The following FSIP1 variants were observed in gnomAD, a reference collection of about 807,000 sequenced individuals.
The protein encoded by FSIP1 is fibrous sheath-interacting protein 1.
FSIP1 carries 65 observed loss-of-function variants against 60.9 expected under a neutral mutation model. That is an observed-to-expected ratio of 1.07 (90% CI 0.87 to 1.31). The LOEUF (loss-of-function observed/expected upper bound fraction) is 1.31. Among genes scored for constraint, FSIP1 ranks in the 40% most tolerant of loss-of-function variants. FSIP1 has a pLI of 0.00. For missense variants in FSIP1, 675 were observed against 665.5 expected (o/e 1.01, Z -0.16); for synonymous variants, 209 against 221.2 (o/e 0.94, Z 0.49).
At position 39,685,360 on chromosome 15, in the gene FSIP1, G is replaced by A. The variant is rs937444019; in HGVS notation, c.1188+28084C>T. 2.0e-5 allele frequency among the ~76,000 whole-genome samples: 3 copies of A among 152,152 alleles called. No individual in the cohort carries two copies. The South Asian group carries it at 6.2e-4, about 32-fold the overall frequency. Reference sequence around the variant, plus strand: ...CAAAATAGATACCAAAACAAGACTAGCAAAGTAAAAATCCTCCTGGGGAAA... The same window carrying A: ...CAAAATAGATACCAAAACAAGACTAACAAAGTAAAAATCCTCCTGGGGAAA... On this transcript the variant is annotated intron_variant, in intron 10 of 11. Coordinates refer to ENST00000350221, the MANE Select transcript of FSIP1 (RefSeq NM_152597.5).
At chr15:39,662,381 C>G (rs1163241320) in intron 10 of FSIP1, among the ~76,000 whole-genome samples, 1 of 151,994 alleles carries the variant, frequency 6.6e-6, no homozygotes, top group East Asian at 1.9e-4. Context: ...AACCCAGCAC[C>G]CAGAAGAGTT....
chr15:39,722,292 C>T (rs560765549), intron 9 of FSIP1, among the ~76,000 whole-genome samples: 83 of 151,942 alleles, frequency 5.5e-4, no homozygotes, highest in African/African-American at 1.9e-3. Flanking sequence ...CTCAGAGCTC[C>T]CACTGAGTCT....
intron 10 of FSIP1, among the ~76,000 whole-genome samples, chr15:39,658,460 G>C (rs1893161036): frequency 6.6e-6 from 1 of 151,924 alleles, no homozygotes; most frequent in Non-Finnish European, 1.5e-5. Context: ...ACGTTGGCCA[G>C]GCTGGTCTCA....
At chr15:39,606,829 A>C (rs1197925539) in intron 11 of FSIP1, among the ~76,000 whole-genome samples, 1 of 152,202 alleles carries the variant, frequency 6.6e-6, no homozygotes, top group Non-Finnish European at 1.5e-5. Flanking sequence ...AATTAGCTCA[A>C]ATGCTTAGTA....
chr15:39,774,520 G>C (rs953952334), intron 2 of FSIP1, among the ~76,000 whole-genome samples: 1 of 151,220 alleles, frequency 6.6e-6, no homozygotes, highest in Admixed American at 6.6e-5. Context: ...GCCAAGGATA[G>C]TTAAGACAGT....
chr15:39,707,698 C>A (rs1476832423), intron 10 of FSIP1, among the ~76,000 whole-genome samples: 2 of 152,160 alleles, frequency 1.3e-5, no homozygotes, highest in African/African-American at 4.8e-5. Context: ...TTCATAACAG[C>A]CCTATGAGGT....
chr15:39,647,271 C>T (rs568891394), intron 10 of FSIP1, among the ~76,000 whole-genome samples: 17 of 152,232 alleles, frequency 1.1e-4, no homozygotes, highest in South Asian at 1.0e-3. Flanking sequence ...TCCACACATA[C>T]GCAAAGAGGG....
At chr15:39,601,043 C>T in intron 11 of FSIP1, 117 bp from the exon 12 acceptor site, 1 of 759,326 alleles carries the variant, frequency 1.3e-6, no homozygotes. Flanking sequence ...AATAATCACA[C>T]TCTCATTTAA....
At chr15:39,721,112 G>A (rs1895951788) in intron 9 of FSIP1, among the ~76,000 whole-genome samples, 1 of 152,214 alleles carries the variant, frequency 6.6e-6, no homozygotes, top group Admixed American at 6.5e-5. Context: ...ATAAGGAAAA[G>A]AAGACTTCTT....
intron 10 of FSIP1, among the ~76,000 whole-genome samples, chr15:39,703,071 C>G (rs1217223644): frequency 2.6e-5 from 4 of 151,434 alleles, no homozygotes; most frequent in Non-Finnish European, 4.4e-5. Context: ...CAACCTCCCC[C>G]TCCCGGGTTC....
chr15:39,668,111 G>A (rs1878693446), intron 10 of FSIP1, among the ~76,000 whole-genome samples: 1 of 151,908 alleles, frequency 6.6e-6, no homozygotes, highest in South Asian at 2.1e-4. Context: ...AACCAAGAGG[G>A]TGGCAATGGA....
chr15:39,647,888 CA>C (rs1340045264), intron 10 of FSIP1, among the ~76,000 whole-genome samples: 1 of 151,478 alleles, frequency 6.6e-6, no homozygotes, highest in African/African-American at 2.4e-5. Context: ...GTCTGAAATC[CA>C]AAAATAAATT....
chr15:39,735,307 T>C (rs1896565784), intron 8 of FSIP1, among the ~76,000 whole-genome samples: 1 of 152,368 alleles, frequency 6.6e-6, no homozygotes, highest in East Asian at 1.9e-4. Context: ...CCAGGCCACA[T>C]TGTAAAGCCT....
chr15:39,741,892 G>A lies in FSIP1; in HGVS notation c.568C>T (p.His190Tyr). 1 of 1,570,092 alleles carries A rather than the reference G, an allele frequency of 6.4e-7. No homozygotes were observed. Residue 190 changes from histidine (H) to tyrosine (Y), a missense_variant, in exon 6 of 12, where the codon CAT becomes TAT. By Grantham distance (83) the His-to-Tyr change is moderately conservative (BLOSUM62 2). Coordinates refer to ENST00000350221, the MANE Select transcript of FSIP1 (RefSeq NM_152597.5). ...AVSEETVGPS[H>Y]EEEDTFSSVF... ...GAGGAAAAGGTGTCTTCCTCCTCAT[G>A]AGAAGGACCTGTTGATTTAAAAAAT...
chr15:39,732,454 T>A (rs993672926), intron 8 of FSIP1, among the ~76,000 whole-genome samples: 1 of 152,158 alleles, frequency 6.6e-6, no homozygotes, highest in Middle Eastern at 3.4e-3. Context: ...ATCCCATCTC[T>A]ACTAAAAATA....
intron 8 of FSIP1, 89 bp downstream of exon 8, chr15:39,738,002 T>G: frequency 3.9e-6 from 3 of 776,068 alleles, no homozygotes; most frequent in Non-Finnish European, 4.0e-6. Context: ...ATCCGAAAAA[T>G]TATTGTAAAT....
chr15:39,714,269 T>C (rs1187344006), intron 9 of FSIP1, among the ~76,000 whole-genome samples: 1 of 152,154 alleles, frequency 6.6e-6, no homozygotes, highest in Non-Finnish European at 1.5e-5. Flanking sequence ...AATATTTATA[T>C]TGACAGAACC....
chr15:39,667,948 C>A (rs114739757), intron 10 of FSIP1, among the ~76,000 whole-genome samples: 1,632 of 152,250 alleles, frequency 0.011, 29 homozygotes, highest in African/African-American at 0.037. Context: ...CATGTCTAGT[C>A]TTTCAGGCTT....
At chr15:39,723,657 C>A (rs1896072757) in intron 9 of FSIP1, among the ~76,000 whole-genome samples, 1 of 152,154 alleles carries the variant, frequency 6.6e-6, no homozygotes, top group Non-Finnish European at 1.5e-5. Flanking sequence ...AATTTATATT[C>A]CACTCAAAAG....
Sources: allele counts gnomAD v4.1 joint callset (sites outside exome capture counted in the v4.1 genomes callset), GRCh38; gene constraint gnomAD v4.1.1; transcripts MANE v1.5; gene names NCBI Gene and HGNC (gene_info 2026-07-23, HGNC 2026-07-21).